The following MORN1 variants were observed in gnomAD, a reference collection of about 807,000 sequenced individuals.
MORN1 encodes MORN repeat containing 1.
Under a neutral mutation model 61.9 loss-of-function variants are expected in MORN1, and 67 were observed. The observed-to-expected ratio is 1.08, with a 90% CI of 0.89 to 1.33. MORN1 has a LOEUF of 1.33. Ranked by LOEUF, MORN1 falls within the 40% of genes most tolerant of loss-of-function variation. The probability of loss-of-function intolerance (pLI) is 0.00; values close to 1 mark genes in which losing one functional copy is unlikely to be tolerated. For missense variants in MORN1, 752 were observed against 691.2 expected, an observed-to-expected ratio of 1.09 and a Z score of -0.99; for synonymous variants, 301 against 292.0, an observed-to-expected ratio of 1.03 and a Z score of -0.31.
At chr1:2,359,944 G>A (rs1049684459) in intron 8 of MORN1, among the ~76,000 whole-genome samples, 4 of 152,124 alleles carry the variant, frequency 2.6e-5, no homozygotes, top group Non-Finnish European at 5.9e-5. Context: ...GCCCCAGAGT[G>A]GATGCCGAGC....
chr1:2,377,123 C>T (rs1020060120), intron 6 of MORN1: 2 of 152,468 alleles, frequency 1.3e-5, no homozygotes, highest in African/African-American at 4.8e-5. Context: ...GCTCACCCTC[C>T]TCCTCCCTGC....
intron 2 of MORN1, 70 bp from the exon 3 acceptor site, chr1:2,388,407 T>C: frequency 8.0e-7 from 1 of 1,242,502 alleles, no homozygotes; most frequent in Non-Finnish European, 1.2e-6. Context: ...TGTGCAGTGT[T>C]GGGCCTGTTT....
At chr1:2,342,356 C>G (rs938590733) in intron 10 of MORN1, among the ~76,000 whole-genome samples, 5 of 152,256 alleles carry the variant, frequency 3.3e-5, no homozygotes, top group Non-Finnish European at 5.9e-5. Context: ...AGGCGCAGGA[C>G]CTGGCCAGGG....
rs1642537079 is a variant in MORN1, at chr1:2,387,631, C to A, written c.248-102G>T. ...TGGCCCATGACACGCAGGAACCATT[C>A]CAGAATGGACGTCCCTGCCTCCATC... On this transcript the variant is annotated intron_variant, in intron 3 of 13. Coordinates refer to ENST00000378531, the MANE Select transcript of MORN1 (RefSeq NM_024848.3). 1.4e-5 allele frequency: 11 copies of A among 787,584 alleles called. No homozygotes were observed. The South Asian group carries it at 1.4e-4, about 10-fold the overall frequency. 48.8% of individuals were successfully genotyped at this position (787,584 alleles called of 1,614,324 possible).
At chr1:2,353,458 GT>G (rs1641694446) in intron 10 of MORN1, among the ~76,000 whole-genome samples, 1 of 152,222 alleles carries the variant, frequency 6.6e-6, no homozygotes, top group Admixed American at 6.5e-5. Context: ...CTGAGAGAGG[GT>G]CTCCGGGAGC....
rs59157710 is a variant in MORN1, at chr1:2,332,586, C to T, written c.1250+3883G>A. On this transcript the variant is annotated intron_variant, in intron 12 of 13. Transcript: ENST00000378531. ...TGCTGTGAGGGGCACGGCAGACCTC[C>T]GGCACAGGCCCAGGTTGGGGGCCAG... is the stretch of plus-strand genomic sequence containing the variant. The T allele has an allele frequency of 1.1e-3, 521 of 456,434 alleles. 3 individuals are homozygous for T. The highest frequency in any genetic ancestry group is 9.3e-3 in the African/African-American group (467 of 50,200). The allele number at this position is 456,434 out of a possible 1,614,324, so 28.3% of individuals were successfully genotyped here. A position where few individuals can be genotyped will look rare whatever the true frequency, so the allele number is the denominator to read the frequency against.
intron 8 of MORN1, among the ~76,000 whole-genome samples, chr1:2,368,288 C>T (rs550890893): frequency 1.2e-3 from 181 of 152,344 alleles, no homozygotes; most frequent in African/African-American, 4.1e-3. Context: ...GGTATGGAAG[C>T]GGCAGGGCTA....
Position 2,361,924 on chromosome 1 carries a change from T to C in MORN1, c.746-3209A>G, listed in dbSNP as rs546682980. Among the ~76,000 whole-genome samples the C allele has an allele frequency of 2.4e-3, 361 of 152,298 alleles. 3 individuals are homozygous for C. Among genetic ancestry groups the C allele is most frequent in the Non-Finnish European group, 4.4e-3 (296 of 68,028 alleles). Reference sequence around the variant, plus strand: ...GTAAGCTAGAAAAAAGAAAATGTTATTAAGAAAATCATAGTAAAAGAAAAC... The same window carrying C: ...GTAAGCTAGAAAAAAGAAAATGTTACTAAGAAAATCATAGTAAAAGAAAAC... On this transcript the variant is annotated intron_variant, in intron 8 of 13. Transcript: ENST00000378531.
chr1:2,324,129 G>A lies in MORN1; in HGVS notation c.1265C>T (p.Ala422Val), dbSNP rs1640945361. The A allele has an allele frequency of 1.2e-6, 2 of 1,600,202 alleles. No individual in the cohort carries two copies. The change falls in exon 13 of 14, where the codon GCC becomes GTC. Residue 422 changes from alanine (A) to valine (V), a missense_variant. Ala to Val is a moderately conservative substitution (Grantham distance 64, BLOSUM62 0). Transcript: ENST00000378531. The stretch of plus-strand genomic sequence containing the variant: ...TGCTGCCGCAGCCTGCTCCTCCGTG[G>A]CTCTCCCCTCAGGCCTGTGGAGACG... ...PPGGSRPEGR[A>V]TEEQAAAAHL...
chr1:2,324,777 G>T (rs1640964612), intron 12 of MORN1, among the ~76,000 whole-genome samples: 2 of 152,122 alleles, frequency 1.3e-5, no homozygotes, highest in African/African-American at 4.8e-5. Flanking sequence ...CAGTCTCTGG[G>T]GGGGCCCACC....
At chr1:2,330,793 C>T (rs949570294) in intron 12 of MORN1, among the ~76,000 whole-genome samples, 5 of 152,106 alleles carry the variant, frequency 3.3e-5, no homozygotes, top group Admixed American at 2.0e-4. Flanking sequence ...CGGGTGGCCA[C>T]GTTTTCCTAT....
At chr1:2,327,718 C>T (rs1557866761) in intron 12 of MORN1, among the ~76,000 whole-genome samples, 1 of 152,192 alleles carries the variant, frequency 6.6e-6, no homozygotes, top group Non-Finnish European at 1.5e-5. Flanking sequence ...GAGGGGCAGG[C>T]GCGGCGGGCA....
chr1:2,355,375 T>C (rs1641740791), intron 10 of MORN1: 1 of 1,546,432 alleles, frequency 6.5e-7, no homozygotes, highest in Non-Finnish European at 8.7e-7. Context: ...CTGCATGCTC[T>C]TTTATATGAT....
chr1:2,355,657 C>T (rs994498964), intron 10 of MORN1, among the ~76,000 whole-genome samples: 12 of 152,198 alleles, frequency 7.9e-5, no homozygotes, highest in African/African-American at 9.7e-5. Flanking sequence ...AGGGAGAACT[C>T]GGGGCCGAGT....
Position 2,341,872 on chromosome 1 carries a change from C to T in MORN1, c.1037-5022G>A, listed in dbSNP as rs543634021. Reference sequence around the variant, plus strand: ...TGCCCGCCAGCCCGAGTGGGCCTCACTCCAAGGCTCAGGGAGACACATTCT... The same window carrying T: ...TGCCCGCCAGCCCGAGTGGGCCTCATTCCAAGGCTCAGGGAGACACATTCT... On this transcript the variant is annotated intron_variant, in intron 10 of 13. Coordinates refer to ENST00000378531, the MANE Select transcript of MORN1 (RefSeq NM_024848.3). Among the ~76,000 whole-genome samples the T allele has an allele frequency of 6.7e-4, 102 of 152,338 alleles. 1 individual carries two copies. The highest frequency in any genetic ancestry group is 2.4e-3 in the African/African-American group (98 of 41,576).
chr1:2,325,121 C>CCCTCCCTTCCTTCCCTCCCTTCCTT (rs1557865161), intron 12 of MORN1, among the ~76,000 whole-genome samples: 1 of 86,732 alleles, frequency 1.2e-5, no homozygotes, highest in African/African-American at 6.8e-5. Flanking sequence ...TCCCTTCCTT[C>CCCTCCCTTCCTTCCCTCCCTTCCTT]CCTTCCTTCC....
chr1:2,355,555 G>C, intron 10 of MORN1: 1 of 1,385,474 alleles, frequency 7.2e-7, no homozygotes, highest in Non-Finnish European at 1.0e-6. Context: ...CGGGCATGGA[G>C]GTGGCCCTGG....
Position 2,372,467 on chromosome 1 carries a change from C to G in MORN1, c.745+14G>C. 1 of 1,585,688 alleles carries G rather than the reference C, an allele frequency of 6.3e-7. No individual in the cohort carries two copies. The highest frequency in any genetic ancestry group is 2.2e-5 in the East Asian group (1 of 44,746). On this transcript the variant is annotated intron_variant, in intron 8 of 13. Transcript: ENST00000378531. This position sits in a 1 kb window ranked among gnomAD's most constrained non-coding sequence, Gnocchi z 5.4. ...TTTGGAAACGTTAGGTCATCTCCCC[C>G]TGGAGATGCTTACTCTTGGCAATTT...
intron 13 of MORN1, chr1:2,321,881 C>A (rs1010985053): frequency 1.3e-5 from 6 of 461,308 alleles, no homozygotes; most frequent in Non-Finnish European, 1.7e-5. Flanking sequence ...AGGATGGACA[C>A]GACCCTCGCA....
Sources: allele counts gnomAD v4.1 joint callset (sites outside exome capture counted in the v4.1 genomes callset), GRCh38; gene constraint gnomAD v4.1.1; non-coding constraint Gnocchi (gnomAD v3.1); transcripts MANE v1.5; gene names NCBI Gene and HGNC (gene_info 2026-07-23, HGNC 2026-07-21).